PDE4DIP: variants seen among roughly 807,000 people sequenced by gnomAD.
The protein encoded by PDE4DIP is myomegalin.
PDE4DIP carries 59 observed loss-of-function variants against 221.4 expected under a neutral mutation model. The ratio of observed to expected loss-of-function variants is 0.27; its 90% CI spans 0.22 to 0.33. The LOEUF is 0.33. PDE4DIP is among the 10% of genes least tolerant of loss of function. PDE4DIP has a pLI of 1.00. For synonymous variants in PDE4DIP, 404 were observed against 815.9 expected (o/e 0.50, Z 8.60); for missense variants, 1,036 against 2,154.2 (o/e 0.48, Z 10.28).
intron 1 of PDE4DIP, among the ~76,000 whole-genome samples, chr1:148,891,846 G>A (rs56699625): frequency 1.7e-4 from 4 of 23,710 alleles, no homozygotes; most frequent in African/African-American, 1.0e-3. Context: ...CAGAGAGATG[G>A]CGAGAGACGG....
intron 14 of PDE4DIP, among the ~76,000 whole-genome samples, chr1:148,970,213 A>G (rs2058956564): frequency 6.7e-6 from 1 of 149,310 alleles, no homozygotes; most frequent in Non-Finnish European, 1.5e-5. Context: ...ATTATACTCC[A>G]CTATTCTAAT....
intron 2 of PDE4DIP, chr1:148,929,939 T>C: frequency 6.6e-6 from 1 of 152,480 alleles, no homozygotes; most frequent in East Asian, 1.9e-4. Flanking sequence ...AAGAATGAGT[T>C]AGCTCTATAT....
chr1:148,954,501 CTCAT>C (rs1417559675), intron 5 of PDE4DIP, among the ~76,000 whole-genome samples: 1 of 151,984 alleles, frequency 6.6e-6, no homozygotes, highest in Admixed American at 6.6e-5. Context: ...TTAGTGATGA[CTCAT>C]TCATAAAAGA....
intron 4 of PDE4DIP, 101 bp from the exon 8 acceptor site, chr1:148,937,646 C>T: frequency 3.2e-6 from 2 of 616,996 alleles, no homozygotes; most frequent in South Asian, 4.0e-5. Context: ...AGGATAAAAA[C>T]CTGCTATACT....
At chr1:148,813,777 C>A (rs1553353868) in intron 1 of PDE4DIP, among the ~76,000 whole-genome samples, 1 of 121,976 alleles carries the variant, frequency 8.2e-6, no homozygotes, top group East Asian at 2.8e-4. Flanking sequence ...TCTTTTTTAT[C>A]TTTTTTTTTT....
At chr1:148,976,639 G>A (rs1489778737) in intron 17 of PDE4DIP, among the ~76,000 whole-genome samples, 3 of 152,132 alleles carry the variant, frequency 2.0e-5, no homozygotes, top group Non-Finnish European at 2.9e-5. Flanking sequence ...CTATTGGGGA[G>A]ATACAGACAA....
At chr1:148,859,823 T>TGC (rs1683322900) in intron 1 of PDE4DIP, among the ~76,000 whole-genome samples, 3 of 130,172 alleles carry the variant, frequency 2.3e-5, no homozygotes, top group Non-Finnish European at 4.9e-5. Flanking sequence ...TGTGTGTGTG[T>TGC]GTGTGTATGT....
chr1:148,997,618 G>A (rs587596514), intron 22 of PDE4DIP, among the ~76,000 whole-genome samples: 22 of 151,820 alleles, frequency 1.4e-4, no homozygotes, highest in South Asian at 6.3e-4. Flanking sequence ...TGTGTCTGCC[G>A]ACTGTTTCCC....
intron 21 of PDE4DIP, chr1:148,983,727 G>A (rs1438388857): frequency 6.6e-6 from 1 of 152,470 alleles, no homozygotes; most frequent in Non-Finnish European, 1.5e-5. Context: ...ACCTTTGACA[G>A]TCATTTTTCA....
intron 21 of PDE4DIP, among the ~76,000 whole-genome samples, chr1:148,989,847 A>G (rs1175887450): frequency 6.6e-6 from 1 of 152,206 alleles, no homozygotes; most frequent in African/African-American, 2.4e-5. Flanking sequence ...GTAAATTAGT[A>G]TCCTGGTTTT....
At chr1:148,820,707 T>A (rs1343560741) in intron 1 of PDE4DIP, among the ~76,000 whole-genome samples, 1 of 143,354 alleles carries the variant, frequency 7.0e-6, no homozygotes, top group Non-Finnish European at 1.5e-5. Flanking sequence ...TAACCCTACT[T>A]TTTTTTTGGG....
At chr1:149,018,021 A>C in intron 34 of PDE4DIP, 142 bp downstream of exon 37, 1 of 691,196 alleles carries the variant, frequency 1.4e-6, no homozygotes, top group Non-Finnish European at 2.5e-6. Flanking sequence ...CTACTTTCTG[A>C]ATATATCTGA....
chr1:148,967,242 A>G (rs1428850798), intron 12 of PDE4DIP, among the ~76,000 whole-genome samples: 8 of 151,756 alleles, frequency 5.3e-5, no homozygotes, highest in African/African-American at 1.7e-4. Flanking sequence ...TTTATTTCCA[A>G]TTCTTGTTCA....
intron 1 of PDE4DIP, among the ~76,000 whole-genome samples, chr1:148,925,747 A>G (rs1165067019): frequency 6.7e-6 from 1 of 148,456 alleles, no homozygotes; most frequent in Non-Finnish European, 1.5e-5. Flanking sequence ...GTCTCATTCA[A>G]TCCTCACAGA....
chr1:148,828,846 G>GA (rs1671273817), intron 1 of PDE4DIP, among the ~76,000 whole-genome samples: 1 of 151,238 alleles, frequency 6.6e-6, no homozygotes, highest in South Asian at 2.1e-4. Flanking sequence ...TTTTTGTTAT[G>GA]GCTGACAGAC....
intron 1 of PDE4DIP, among the ~76,000 whole-genome samples, chr1:148,919,810 C>G (rs1183058303): frequency 6.7e-6 from 1 of 149,888 alleles, no homozygotes; most frequent in Admixed American, 6.6e-5. Flanking sequence ...TTTAAAAATT[C>G]CTTTAGTTTA....
chr1:148,956,211 T>C (rs2055283388), intron 5 of PDE4DIP, among the ~76,000 whole-genome samples: 2 of 152,000 alleles, frequency 1.3e-5, no homozygotes, highest in Admixed American at 1.3e-4. Flanking sequence ...AATGTTTCCT[T>C]TAGTTCAGTT....
chr1:148,843,722 C>T (rs1174202571), intron 1 of PDE4DIP, among the ~76,000 whole-genome samples: 1 of 11,474 alleles, frequency 8.7e-5, no homozygotes, highest in Non-Finnish European at 1.4e-4. Context: ...ATGCCATCTC[C>T]AAAGAGGCCT....
intron 23 of PDE4DIP, among the ~76,000 whole-genome samples, chr1:149,000,277 G>A (rs2065298569): frequency 6.6e-6 from 1 of 152,186 alleles, no homozygotes; most frequent in Non-Finnish European, 1.5e-5. Flanking sequence ...CCTGTGGACT[G>A]GGCATGGTGG....
Sources: gnomAD v4.1 joint callset for allele counts (sites outside exome capture counted in the v4.1 genomes callset) on GRCh38, gnomAD v4.1.1 for gene constraint, MANE v1.5 for transcripts, NCBI Gene and HGNC (gene_info 2026-07-23, HGNC 2026-07-21) for gene names.